Variants in TMEM238L observed in about 807,000 individuals in gnomAD.
TMEM238L encodes transmembrane protein 238-like.
chr17:10,800,756 G>A (rs1478663702), intron 1 of TMEM238L, among the ~76,000 whole-genome samples: 7 of 152,154 alleles, frequency 4.6e-5, no homozygotes, highest in Admixed American at 3.9e-4. Context: ...CCCAAGTCAC[G>A]TTGCTAGAAA....
exon 2 of TMEM238L, chr17:10,795,285 T>C (rs1465917906): frequency 6.6e-6 from 1 of 152,214 alleles, no homozygotes; most frequent in Non-Finnish European, 1.5e-5. Flanking sequence ...TTCAGTTGGC[T>C]AAAACCTCAA....
chr17:10,797,069 T>C (rs1195620780), intron 1 of TMEM238L, among the ~76,000 whole-genome samples: 1 of 152,148 alleles, frequency 6.6e-6, no homozygotes, highest in African/African-American at 2.4e-5. Context: ...GGCCCATAGG[T>C]TGTAGTTGCC....
chr17:10,798,741 A>G (rs564953968), intron 1 of TMEM238L, among the ~76,000 whole-genome samples: 13 of 151,644 alleles, frequency 8.6e-5, no homozygotes, highest in Non-Finnish European at 1.9e-4. Context: ...TTGTGTGTGC[A>G]TGAACACGTG....
chr17:10,804,077 G>A (rs1210480745), exon 1 of TMEM238L: 9 of 400,094 alleles, frequency 2.2e-5, no homozygotes, highest in Admixed American at 1.3e-4. Context: ...GCAAATGAGC[G>A]AGCTGGCGCT....
intron 1 of TMEM238L, among the ~76,000 whole-genome samples, chr17:10,798,120 C>T (rs542351884): frequency 5.9e-5 from 9 of 152,066 alleles, no homozygotes; most frequent in South Asian, 4.2e-4. Flanking sequence ...CCACCACCCA[C>T]GGCTGCTGTC....
At chr17:10,801,925 G>T (rs1310283695) in intron 1 of TMEM238L, among the ~76,000 whole-genome samples, 1 of 152,146 alleles carries the variant, frequency 6.6e-6, no homozygotes. Flanking sequence ...GGGATTACAG[G>T]TGTGCATCAC....
At chr17:10,796,203 A>G (rs944032914) in intron 1 of TMEM238L, among the ~76,000 whole-genome samples, 1 of 152,232 alleles carries the variant, frequency 6.6e-6, no homozygotes, top group Non-Finnish European at 1.5e-5. Context: ...TCATGAAAAT[A>G]AGTGATTGGC....
At chr17:10,802,837 G>GA (rs943622600) in intron 1 of TMEM238L, among the ~76,000 whole-genome samples, 48 of 152,282 alleles carry the variant, frequency 3.2e-4, no homozygotes, top group African/African-American at 1.1e-3. Flanking sequence ...GTCTTGATGT[G>GA]AAAAAATCTT....
chr17:10,803,985 G>C (rs1294014720), exon 1 of TMEM238L: 2 of 399,122 alleles, frequency 5.0e-6, no homozygotes, highest in Non-Finnish European at 8.8e-6. Context: ...AGCGGGAGGA[G>C]CCCAGCTGCA....
intron 1 of TMEM238L, among the ~76,000 whole-genome samples, chr17:10,796,654 T>A (rs1904555801): frequency 6.6e-6 from 1 of 152,252 alleles, no homozygotes; most frequent in South Asian, 2.1e-4. Flanking sequence ...CAGCCTTTTT[T>A]TGATGGCTTT....
chr17:10,799,058 C>A (rs1334054329), intron 1 of TMEM238L, among the ~76,000 whole-genome samples: 3 of 152,202 alleles, frequency 2.0e-5, no homozygotes, highest in South Asian at 2.1e-4. Flanking sequence ...TAGCAGCCAC[C>A]CTGCCCTCTC....
intron 1 of TMEM238L, among the ~76,000 whole-genome samples, chr17:10,798,093 C>T (rs944029152): frequency 3.3e-5 from 5 of 151,902 alleles, no homozygotes; most frequent in Non-Finnish European, 5.9e-5. Flanking sequence ...CTTCCTTTTG[C>T]CTGGACTGCC....
intron 1 of TMEM238L, among the ~76,000 whole-genome samples, chr17:10,797,566 C>A (rs1347740039): frequency 6.6e-6 from 1 of 152,144 alleles, no homozygotes; most frequent in Non-Finnish European, 1.5e-5. Flanking sequence ...TTAGGTAGTT[C>A]TGCTCGTATA....
At chr17:10,801,391 C>T (rs929095759) in intron 1 of TMEM238L, among the ~76,000 whole-genome samples, 1 of 152,176 alleles carries the variant, frequency 6.6e-6, no homozygotes, top group East Asian at 1.9e-4. Context: ...TCAGAGGGCC[C>T]TCGAGGCCCT....
intron 1 of TMEM238L, among the ~76,000 whole-genome samples, chr17:10,800,213 T>C (rs972943306): frequency 3.3e-5 from 5 of 151,958 alleles, no homozygotes; most frequent in African/African-American, 1.2e-4. Context: ...ATTACAGGCG[T>C]GAGCCACCAG....
intron 1 of TMEM238L, among the ~76,000 whole-genome samples, chr17:10,797,373 C>T (rs1276336667): frequency 8.1e-6 from 1 of 122,942 alleles, no homozygotes; most frequent in African/African-American, 3.5e-5. Context: ...CCCTCTCACC[C>T]TCCCTCCTTC....
intron 1 of TMEM238L, among the ~76,000 whole-genome samples, chr17:10,803,400 C>T (rs1047091037): frequency 2.6e-5 from 4 of 152,172 alleles, no homozygotes; most frequent in Non-Finnish European, 4.4e-5. Flanking sequence ...CCAGCCTCTG[C>T]GAGGAAAAGG....
intron 1 of TMEM238L, among the ~76,000 whole-genome samples, chr17:10,798,749 G>A (rs529959288): frequency 1.3e-5 from 2 of 151,866 alleles, no homozygotes; most frequent in African/African-American, 2.4e-5. Context: ...GCATGAACAC[G>A]TGGAGTAGAA....
chr17:10,799,685 G>A (rs1240563809), intron 1 of TMEM238L, among the ~76,000 whole-genome samples: 1 of 152,244 alleles, frequency 6.6e-6, no homozygotes, highest in Non-Finnish European at 1.5e-5. Context: ...GTCGTAGGCT[G>A]TAGGGGAAGT....
Sources: gnomAD v4.1 joint callset for allele counts (sites outside exome capture counted in the v4.1 genomes callset) on GRCh38, gnomAD v4.1.1 for gene constraint, MANE v1.5 for transcripts, NCBI Gene and HGNC (gene_info 2026-07-23, HGNC 2026-07-21) for gene names.